The following MTCL1 variants were observed in gnomAD, a reference collection of about 807,000 sequenced individuals.
The protein encoded by MTCL1 is microtubule cross-linking factor 1.
MTCL1 carries 79 observed loss-of-function variants against 141.4 expected under a neutral mutation model. That is an observed-to-expected ratio of 0.56 (90% CI 0.47 to 0.67). MTCL1 has a LOEUF of 0.67. MTCL1 is among the 30% of genes least tolerant of loss of function. The pLI is 0.00. For synonymous variants in MTCL1, 914 were observed against 875.8 expected (o/e 1.04, Z -0.77); for missense variants, 2,177 against 2,113.9 (o/e 1.03, Z -0.59).
chr18:8,811,085 T>G (rs1425744809), intron 11 of MTCL1: 1 of 152,232 alleles, frequency 6.6e-6, no homozygotes, highest in Non-Finnish European at 1.5e-5. Context: ...AAGGAATACC[T>G]GAGGCTGGGT....
At chr18:8,706,735 G>A in intron 1 of MTCL1, 22 bp downstream of exon 1, 1 of 1,543,052 alleles carries the variant, frequency 6.5e-7, no homozygotes, top group Non-Finnish European at 8.7e-7. Context: ...CTCGGCCGCA[G>A]GTGTCCCGGG....
chr18:8,750,355 A>G (rs2096364433), intron 4 of MTCL1, among the ~76,000 whole-genome samples: 1 of 152,116 alleles, frequency 6.6e-6, no homozygotes, highest in African/African-American at 2.4e-5. Flanking sequence ...CAGTAATGTC[A>G]TTTTATGTCT....
At chr18:8,713,775 C>G (rs938197098), upstream of MTCL1, among the ~76,000 whole-genome samples, 1 of 152,158 alleles carries the variant, frequency 6.6e-6, no homozygotes, top group Non-Finnish European at 1.5e-5. Context: ...TCAGTTTCCT[C>G]GTTTTAAAGA....
At position 8,777,945 on chromosome 18, in the gene MTCL1, C is replaced by G. The variant is rs2096517877; in HGVS notation, c.417+53C>G. On this transcript the variant is annotated intron_variant, in intron 5 of 16. Transcript: ENST00000359865. ...ACATCTCCTATAAGTGAAGTCAACT[C>G]ATTTTGAATGTTTTTCAGTAAGTGT... is the stretch of plus-strand genomic sequence containing the variant. 26 of 1,528,798 alleles carry G rather than the reference C, an allele frequency of 1.7e-5. 1 individual carries two copies. The South Asian group carries it at 3.0e-4, about 18-fold the overall frequency. The allele number at this position is 1,528,798 out of a possible 1,614,324, so 94.7% of individuals were successfully genotyped here. A position where few individuals can be genotyped will look rare whatever the true frequency, so the allele number is the denominator to read the frequency against.
exon 1 of MTCL1, chr18:8,706,423 G>A (rs1436606574): frequency 5.7e-6 from 7 of 1,227,254 alleles, no homozygotes; most frequent in Admixed American, 4.3e-5. Context: ...GCCGAGCCCC[G>A]CAGCCCGAGG....
intron 4 of MTCL1, among the ~76,000 whole-genome samples, chr18:8,763,327 C>G (rs560141790): frequency 6.6e-6 from 1 of 152,390 alleles, no homozygotes; most frequent in African/African-American, 2.4e-5. Flanking sequence ...TGGGGCTTCC[C>G]TGATGGGCCC....
chr18:8,761,475 C>G (rs1191410383), intron 4 of MTCL1, among the ~76,000 whole-genome samples: 2 of 152,202 alleles, frequency 1.3e-5, no homozygotes, highest in East Asian at 3.8e-4. Flanking sequence ...GAAGCTCATA[C>G]CTATTAAACA....
intron 9 of MTCL1, among the ~76,000 whole-genome samples, chr18:8,796,770 A>G (rs1419155425): frequency 3.3e-5 from 5 of 152,214 alleles, no homozygotes; most frequent in African/African-American, 7.2e-5. Flanking sequence ...ATAGTGCAGG[A>G]ATGACATGAA....
At chr18:8,815,801 G>T (rs1278301489) in intron 12 of MTCL1, among the ~76,000 whole-genome samples, 1 of 152,066 alleles carries the variant, frequency 6.6e-6, no homozygotes, top group Non-Finnish European at 1.5e-5. Context: ...TCAGAACCCA[G>T]TCCTCAAGGT....
rs113398021 is a variant in MTCL1, at chr18:8,803,954, T to G, written c.2437-2939T>G. On this transcript the variant is annotated intron_variant, in intron 10 of 16. Coordinates refer to ENST00000359865, the Ensembl canonical transcript of MTCL1. ...GGCTGATACCATATGTAACTTGGCATTCATAGAAAACCATCGATTACATAT... is the reference window on the plus strand; with the variant it reads ...GGCTGATACCATATGTAACTTGGCAGTCATAGAAAACCATCGATTACATAT... Among the ~76,000 whole-genome samples the G allele has an allele frequency of 1.3e-3, 200 of 152,302 alleles. 1 individual carries two copies. The highest frequency in any genetic ancestry group is 4.6e-3 in the African/African-American group (191 of 41,554).
intron 7 of MTCL1, among the ~76,000 whole-genome samples, chr18:8,790,392 G>A (rs1303602879): frequency 1.3e-5 from 2 of 152,192 alleles, no homozygotes; most frequent in Non-Finnish European, 2.9e-5. Context: ...CTTTTGGCTA[G>A]CACCTAATGC....
intron 4 of MTCL1, among the ~76,000 whole-genome samples, chr18:8,753,747 C>A (rs1406225078): frequency 1.3e-5 from 2 of 152,194 alleles, no homozygotes; most frequent in African/African-American, 2.4e-5. Context: ...TCACTGCAAA[C>A]ACGGTCCTGA....
At chr18:8,752,370 A>G (rs2096376190) in intron 4 of MTCL1, among the ~76,000 whole-genome samples, 1 of 152,242 alleles carries the variant, frequency 6.6e-6, no homozygotes, top group Admixed American at 6.5e-5. Context: ...GTACTAGTTG[A>G]ATAGGAACTG....
chr18:8,824,439 A>G (rs2076946912), intron 14 of MTCL1, among the ~76,000 whole-genome samples: 1 of 152,224 alleles, frequency 6.6e-6, no homozygotes, highest in Non-Finnish European at 1.5e-5. Flanking sequence ...TGTTGGGATT[A>G]CGGGTGTGAG....
At chr18:8,724,927 C>G (rs1371562024) in intron 4 of MTCL1, among the ~76,000 whole-genome samples, 1 of 151,536 alleles carries the variant, frequency 6.6e-6, no homozygotes, top group Non-Finnish European at 1.5e-5. Flanking sequence ...CCTAGGCACC[C>G]ACACGCCCTC....
At chr18:8,785,767 T>C (rs1301324331) in intron 6 of MTCL1, 169 bp from the exon 6 acceptor site, 2 of 751,558 alleles carry the variant, frequency 2.7e-6, no homozygotes, top group East Asian at 2.8e-5. Context: ...TCTTTAAGCC[T>C]GTGTTTCTGT....
chr18:8,714,322 A>G (rs1173354286), upstream of MTCL1, among the ~76,000 whole-genome samples: 3 of 152,198 alleles, frequency 2.0e-5, no homozygotes, highest in Non-Finnish European at 4.4e-5. Flanking sequence ...TTGTAGGGTT[A>G]GTAATGAGGG....
chr18:8,791,351 TC>T (rs1392141149), intron 7 of MTCL1, among the ~76,000 whole-genome samples: 1 of 151,368 alleles, frequency 6.6e-6, no homozygotes, highest in African/African-American at 2.4e-5. Context: ...GGTCCGGGAA[TC>T]CCCAAAGAAA....
In MTCL1 at chr18:8,779,132, C is replaced by T. The variant is rs754580799; in HGVS notation, c.417+1240C>T. ...CAAGGTAGGCACGTGGGCAGTCACC[C>T]GCTCAGGGTGCTGGCTGGACGGCTG... On this transcript the variant is annotated intron_variant, in intron 5 of 16. Transcript: ENST00000359865. This position sits in a 1 kb window ranked among gnomAD's most constrained non-coding sequence, Gnocchi z 4.1. Among the ~76,000 whole-genome samples, 3 of 152,256 alleles carry T rather than the reference C, an allele frequency of 2.0e-5. No homozygotes were observed. The highest frequency in any genetic ancestry group is 4.8e-5 in the African/African-American group (2 of 41,472).
Sources: allele counts gnomAD v4.1 joint callset (sites outside exome capture counted in the v4.1 genomes callset), GRCh38; gene constraint gnomAD v4.1.1; non-coding constraint Gnocchi (gnomAD v3.1); transcripts MANE v1.5; gene names NCBI Gene and HGNC (gene_info 2026-07-23, HGNC 2026-07-21).